Variants in DCC observed in about 807,000 individuals in gnomAD.
DCC encodes the protein netrin receptor DCC.
A neutral mutation model predicts 172.5 loss-of-function variants in DCC; 58 were observed. The ratio of observed to expected loss-of-function variants is 0.34; its 90% CI spans 0.27 to 0.42. DCC has a LOEUF of 0.42. Ranked by LOEUF, DCC falls within the 10% of genes least tolerant of loss-of-function variation. The probability of loss-of-function intolerance (pLI) is 1.00; values close to 1 mark genes in which losing one functional copy is unlikely to be tolerated. For missense variants in DCC, 1,740 were observed against 1,791.0 expected, an observed-to-expected ratio of 0.97 and a Z score of 0.51; for synonymous variants, 709 against 644.5, an observed-to-expected ratio of 1.10 and a Z score of -1.52.
In DCC at chr18:53,428,199, ATAT is replaced by A. The variant is rs1428449107; in HGVS notation, c.3164-6941_3164-6939del. 6.1e-3 allele frequency among the ~76,000 whole-genome samples: 186 copies of A among 30,634 alleles called. 42 individuals are homozygous for A. Among genetic ancestry groups the A allele is most frequent in the Non-Finnish European group, 0.011 (121 of 11,252 alleles). The allele number at this position is 30,634 out of a possible 152,430, so 20.1% of individuals were successfully genotyped here. A position where few individuals can be genotyped will look rare whatever the true frequency, so the allele number is the denominator to read the frequency against. On this transcript the variant is annotated intron_variant, in intron 21 of 28. Coordinates refer to ENST00000442544, the MANE Select transcript of DCC (RefSeq NM_005215.4). ...TGTAATATATAATATAGAATATATAATATTATATATAAGTATATATAATTATAA... is the reference window on the plus strand; with the variant it reads ...TGTAATATATAATATAGAATATATAATATATATAAGTATATATAATTATAA...
At chr18:52,982,521 A>G (rs1015828280) in intron 5 of DCC, among the ~76,000 whole-genome samples, 6 of 152,102 alleles carry the variant, frequency 3.9e-5, no homozygotes, top group South Asian at 2.1e-4. Flanking sequence ...CAGACTCAGC[A>G]ATAGTAACAT....
At chr18:52,695,112 G>T (rs2035991533) in intron 1 of DCC, among the ~76,000 whole-genome samples, 1 of 152,042 alleles carries the variant, frequency 6.6e-6, no homozygotes, top group South Asian at 2.1e-4. Flanking sequence ...GAATTTCGTA[G>T]GTCTCTTTTC....
chr18:53,019,195 T>C (rs950176370), intron 5 of DCC, among the ~76,000 whole-genome samples: 1 of 152,162 alleles, frequency 6.6e-6, no homozygotes, highest in Non-Finnish European at 1.5e-5. Flanking sequence ...TTCAGGATCA[T>C]TTTTCCCAAC....
intron 1 of DCC, among the ~76,000 whole-genome samples, chr18:52,364,709 C>T (rs954677916): frequency 2.6e-5 from 4 of 152,218 alleles, no homozygotes; most frequent in African/African-American, 9.6e-5. Flanking sequence ...TTCTACTCTT[C>T]TCACCTGTTG....
chr18:52,571,841 T>C (rs2033302565), intron 1 of DCC, among the ~76,000 whole-genome samples: 7 of 152,180 alleles, frequency 4.6e-5, no homozygotes. Flanking sequence ...CTTCAATATG[T>C]CCATCAATTT....
chr18:53,331,340 C>A (rs2057527949), intron 14 of DCC, among the ~76,000 whole-genome samples: 1 of 152,200 alleles, frequency 6.6e-6, no homozygotes, highest in Non-Finnish European at 1.5e-5. Flanking sequence ...GGACTAAGAT[C>A]TCTGCCTCCC....
intron 7 of DCC, among the ~76,000 whole-genome samples, chr18:53,155,012 C>G (rs1598855205): frequency 6.6e-6 from 1 of 152,200 alleles, no homozygotes; most frequent in East Asian, 1.9e-4. Flanking sequence ...ATTTAAAATA[C>G]TGTACTGATC....
intron 1 of DCC, among the ~76,000 whole-genome samples, chr18:52,649,161 C>T (rs1331974251): frequency 6.6e-6 from 1 of 152,076 alleles, no homozygotes; most frequent in South Asian, 2.1e-4. Context: ...ATCATGAGGT[C>T]AGGAGATCGA....
chr18:53,526,164 G>A (rs756421623), intron 27 of DCC, among the ~76,000 whole-genome samples: 38 of 152,110 alleles, frequency 2.5e-4, no homozygotes, highest in East Asian at 5.8e-4. Context: ...TTATTCTAAC[G>A]TCTTATGCTC....
intron 7 of DCC, among the ~76,000 whole-genome samples, chr18:53,119,273 T>G (rs1184800756): frequency 6.6e-6 from 1 of 151,772 alleles, no homozygotes; most frequent in African/African-American, 2.4e-5. Flanking sequence ...TTTGGTCTTG[T>G]CCTTATTTTA....
chr18:52,957,382 C>A (rs2040762634), intron 5 of DCC, among the ~76,000 whole-genome samples: 1 of 151,770 alleles, frequency 6.6e-6, no homozygotes, highest in Non-Finnish European at 1.5e-5. Context: ...ATCGATATTT[C>A]AAAAATAAGT....
At chr18:53,236,485 C>G (rs4456576) in intron 12 of DCC, among the ~76,000 whole-genome samples, 45,173 of 151,884 alleles carry the variant, frequency 0.3, 8,709 homozygotes, top group Non-Finnish European at 0.44. Context: ...TTAACATTTT[C>G]TACAAATTGG....
At chr18:53,102,280 G>C (rs543250473) in intron 7 of DCC, among the ~76,000 whole-genome samples, 6 of 152,050 alleles carry the variant, frequency 3.9e-5, no homozygotes, top group Non-Finnish European at 7.4e-5. Flanking sequence ...TTTTGTTAAA[G>C]ATAAAATGTT....
chr18:52,883,350 A>ATTTGTG (rs1270659885), intron 2 of DCC, among the ~76,000 whole-genome samples: 11 of 34,104 alleles, frequency 3.2e-4, no homozygotes, highest in African/African-American at 8.3e-4. Context: ...TTATTTATTT[A>ATTTGTG]TGTGTGTGTG....
chr18:52,424,396 G>A (rs970851616), intron 1 of DCC, among the ~76,000 whole-genome samples: 2 of 152,092 alleles, frequency 1.3e-5, no homozygotes, highest in African/African-American at 2.4e-5. Flanking sequence ...ATTGCCTCAC[G>A]TACTCCTTCT....
At position 52,489,487 on chromosome 18, in the gene DCC, T is replaced by C. The variant is rs150311825; in HGVS notation, c.91+148609T>C. Among the ~76,000 whole-genome samples, 838 of 152,248 alleles carry C rather than the reference T, an allele frequency of 5.5e-3. 10 individuals carry two copies. The highest frequency in any genetic ancestry group is 0.019 in the African/African-American group (807 of 41,556). ...GGAGATAGAAATAAATGTTATATGC[T>C]GAGATCTCAAAAACGTGAGAGGTAA... On this transcript the variant is annotated intron_variant, in intron 1 of 28. Transcript: ENST00000442544.
intron 7 of DCC, among the ~76,000 whole-genome samples, chr18:53,087,070 A>T (rs375234967): frequency 1.6e-4 from 25 of 152,038 alleles, no homozygotes; most frequent in African/African-American, 6.0e-4. Context: ...ATACGTGTGC[A>T]TGTGTCTTTA....
At chr18:53,260,224 A>G (rs1001342651) in intron 12 of DCC, among the ~76,000 whole-genome samples, 1 of 152,072 alleles carries the variant, frequency 6.6e-6, no homozygotes, top group Non-Finnish European at 1.5e-5. Context: ...TTCTCCGTCC[A>G]GCTTTGTTTG....
At chr18:52,341,475 G>A (rs1983633156) in intron 1 of DCC, among the ~76,000 whole-genome samples, 1 of 152,162 alleles carries the variant, frequency 6.6e-6, no homozygotes, top group South Asian at 2.1e-4. Flanking sequence ...AGGAGGGGAG[G>A]TGTGTTTAAT....
Sources: gnomAD v4.1 joint callset for allele counts (sites outside exome capture counted in the v4.1 genomes callset) on GRCh38, gnomAD v4.1.1 for gene constraint, MANE v1.5 for transcripts, NCBI Gene and HGNC (gene_info 2026-07-23, HGNC 2026-07-21) for gene names.